Variants in LRP2 observed in about 807,000 individuals in gnomAD.
LRP2 encodes low-density lipoprotein receptor-related protein 2.
LRP2 carries 172 observed loss-of-function variants against 531.0 expected under a neutral mutation model. That is an observed-to-expected ratio of 0.32 (90% CI 0.29 to 0.37). The LOEUF is 0.37. Among genes scored for constraint, LRP2 ranks in the 10% least tolerant of loss-of-function variants. The probability of loss-of-function intolerance (pLI) is 1.00; values close to 1 mark genes in which losing one functional copy is unlikely to be tolerated. For missense variants in LRP2, 5,167 were observed against 5,868.3 expected, an observed-to-expected ratio of 0.88 and a Z score of 3.90; for synonymous variants, 1,992 against 2,027.6, an observed-to-expected ratio of 0.98 and a Z score of 0.47.
Position 169,275,130 on chromosome 2 carries a change from T to C in LRP2, c.1881A>G (p.Ala627=), listed in dbSNP as rs140487223. 30 of 1,613,672 alleles carry C rather than the reference T, an allele frequency of 1.9e-5. No homozygotes were observed. The highest frequency in any genetic ancestry group is 2.5e-5 in the Non-Finnish European group (29 of 1,179,856). The part of the protein sequence containing the change: ...TDWTKMAVLK[A]NKFTETNPQV... Reference sequence around the variant, plus strand: ...GTGGGTTGGTCTCTGTGAACTTGTTTGCCTTCAGCACGGCCATCTTTGTCC... The same window carrying C: ...GTGGGTTGGTCTCTGTGAACTTGTTCGCCTTCAGCACGGCCATCTTTGTCC... The change falls in exon 14 of 79, where the codon GCA becomes GCG. Residue 627 remains alanine (A), a synonymous_variant. Transcript: ENST00000649046.
Position 169,275,124 on chromosome 2 carries a change from C to G in LRP2, c.1887G>C (p.Lys629Asn). Reference protein sequence around the residue: ...WTKMAVLKANKFTETNPQVYY... With the variant: ...WTKMAVLKANNFTETNPQVYY... ...ACACTTGTGGGTTGGTCTCTGTGAA[C>G]TTGTTTGCCTTCAGCACGGCCATCT... Residue 629 changes from lysine to asparagine, a missense_variant, in exon 14 of 79, where the codon AAG (lysine) becomes AAC (asparagine). Transcript: ENST00000649046. The G allele has an allele frequency of 6.2e-7, 1 of 1,613,760 alleles. No homozygotes were observed. The highest frequency in any genetic ancestry group is 8.5e-7 in the Non-Finnish European group (1 of 1,179,850).
At chr2:169,199,368 C>T (rs903850474) in intron 44 of LRP2, among the ~76,000 whole-genome samples, 15 of 151,798 alleles carry the variant, frequency 9.9e-5, no homozygotes, top group African/African-American at 3.4e-4. Context: ...AGAAAAAGGA[C>T]GATATAAGTG....
intron 16 of LRP2, among the ~76,000 whole-genome samples, chr2:169,262,046 C>A (rs374475128): frequency 6.6e-6 from 1 of 151,912 alleles, no homozygotes; most frequent in Non-Finnish European, 1.5e-5. Context: ...AGTCAACAAC[C>A]CTTCATGCTA....
intron 54 of LRP2, among the ~76,000 whole-genome samples, chr2:169,176,031 T>C (rs1687179821): frequency 6.6e-6 from 1 of 152,174 alleles, no homozygotes; most frequent in Non-Finnish European, 1.5e-5. Flanking sequence ...TCCCCTAGCA[T>C]AGGCAGCTAA....
Position 169,213,827 on chromosome 2 carries a change from A to C in LRP2, c.5870T>G (p.Val1957Gly). 15 of 1,613,846 alleles carry C rather than the reference A, an allele frequency of 9.3e-6. No individual in the cohort carries two copies. Among genetic ancestry groups the C allele is most frequent in the Non-Finnish European group, 1.3e-5 (15 of 1,179,816 alleles). The change falls in exon 36 of 79, where the codon GTA (valine) becomes GGA (glycine). Residue 1957 changes from valine to glycine, a missense_variant. Val to Gly is a moderately radical substitution (Grantham distance 109, BLOSUM62 -3). Around this residue, in one of 6 missense-constraint regions of LRP2, gnomAD observed 2,811 missense variants for 3,058.0 expected, o/e 0.92. Transcript: ENST00000649046. ...TCCCCAGGGGTGGGAAAGCTGGTGT[A>C]CCAGGATCATTCGATCTGTTCCATC... Reference protein sequence around the residue: ...NVDGTDRMILVHQLSHPWGIA... With the variant: ...NVDGTDRMILGHQLSHPWGIA...
intron 1 of LRP2, among the ~76,000 whole-genome samples, chr2:169,345,688 T>C (rs373825378): frequency 1.6e-3 from 248 of 152,038 alleles, no homozygotes; most frequent in African/African-American, 5.1e-3. Context: ...CGATTCTCTT[T>C]TTTACAGATA....
chr2:169,231,898 A>G, intron 30 of LRP2, 56 bp from the exon 31 acceptor site: 3 of 1,600,006 alleles, frequency 1.9e-6, no homozygotes, highest in Non-Finnish European at 1.7e-6. Flanking sequence ...CATTAAAATC[A>G]AAACAGAGTC....
intron 22 of LRP2, 134 bp downstream of exon 22, chr2:169,244,559 T>C (rs909489817): frequency 8.6e-5 from 103 of 1,201,006 alleles, no homozygotes; most frequent in Non-Finnish European, 1.2e-4. Flanking sequence ...GACACAGAGA[T>C]TGACAAGTGG....
At chr2:169,274,964 C>T (rs1683513690) in intron 14 of LRP2, 72 bp downstream of exon 14, 4 of 1,468,866 alleles carry the variant, frequency 2.7e-6, no homozygotes, top group Admixed American at 1.7e-5. Context: ...TCATTATTAA[C>T]TTTCAAAGCT....
chr2:169,279,630 G>C (rs1344109811), intron 11 of LRP2, 35 bp from the exon 12 acceptor site: 1 of 1,313,956 alleles, frequency 7.6e-7, no homozygotes, highest in Non-Finnish European at 1.1e-6. Context: ...TATTTCTTCA[G>C]CATCACTAAC....
At chr2:169,144,442 T>C (rs1468149415) in intron 70 of LRP2, among the ~76,000 whole-genome samples, 1 of 5,688 alleles carries the variant, frequency 1.8e-4, no homozygotes, top group Non-Finnish European at 3.9e-4. Context: ...GAGCATCAGC[T>C]GCCGGAGGGA....
chr2:169,164,362 C>A (rs1213154586), intron 62 of LRP2, among the ~76,000 whole-genome samples: 1 of 152,216 alleles, frequency 6.6e-6, no homozygotes, highest in Non-Finnish European at 1.5e-5. Context: ...GGACTATGAG[C>A]TATGTCCCTT....
At position 169,231,937 on chromosome 2, in the gene LRP2, A is replaced by G. The variant is rs780053475; in HGVS notation, c.5099-95T>C. On this transcript the variant is annotated intron_variant, in intron 30 of 78. Transcript: ENST00000649046. ...CTCTTAGTGTCCTTCCAGAGGCCCC[A>G]GTACAGGGGGGCTTAAGTACGTTGT... The G allele has an allele frequency of 2.7e-4, 396 of 1,460,648 alleles. 1 individual carries two copies. The highest frequency in any genetic ancestry group is 1.3e-3 in the Admixed American group (67 of 52,644). The allele number at this position is 1,460,648 out of a possible 1,614,324, so 90.5% of individuals were successfully genotyped here. A position where few individuals can be genotyped will look rare whatever the true frequency, so the allele number is the denominator to read the frequency against.
Position 169,145,777 on chromosome 2 carries a change from T to C in LRP2, c.12958A>G (p.Ile4320Val), listed in dbSNP as rs141452561. Reference sequence around the variant, plus strand: ...TTATTGTATCTGAGTTGATGAAAGATTCGAACTTGAGTGAGCCAAGGGTTC... The same window carrying C: ...TTATTGTATCTGAGTTGATGAAAGACTCGAACTTGAGTGAGCCAAGGGTTC... ...VVNPWLTQVR[I>V]FHQLRYNKSV... is the part of the protein sequence containing the mutation. The change falls in exon 70 of 79, where the codon ATC becomes GTC. Residue 4320 changes from isoleucine (I) to valine (V), a missense_variant. Around this residue, in one of 6 missense-constraint regions of LRP2, gnomAD observed 564 missense variants for 747.7 expected, o/e 0.75. Coordinates refer to ENST00000649046, the MANE Select transcript of LRP2 (RefSeq NM_004525.3). 43 of 1,614,188 alleles carry C rather than the reference T, an allele frequency of 2.7e-5. 1 individual carries two copies. The African/African-American group carries it at 5.6e-4, about 21-fold the overall frequency.
chr2:169,361,350 G>GTCTCTCTCTGTCTCTCTC (rs1559092778), intron 1 of LRP2, among the ~76,000 whole-genome samples: 15 of 21,954 alleles, frequency 6.8e-4, no homozygotes, highest in Non-Finnish European at 1.1e-3. Context: ...GTCTCTCTCT[G>GTCTCTCTCTGTCTCTCTC]TCTCTCTCTC....
intron 16 of LRP2, among the ~76,000 whole-genome samples, chr2:169,261,917 C>T (rs554820388): frequency 1.3e-5 from 2 of 151,402 alleles, no homozygotes; most frequent in East Asian, 2.0e-4. Context: ...GGCTTCATCC[C>T]TGGGATGCAA....
intron 62 of LRP2, among the ~76,000 whole-genome samples, chr2:169,164,492 G>C (rs1686710486): frequency 6.6e-6 from 1 of 152,206 alleles, no homozygotes; most frequent in Non-Finnish European, 1.5e-5. Flanking sequence ...CTTACAGTTA[G>C]AGCAGGGCCA....
chr2:169,173,066 C>T (rs1280239346), intron 57 of LRP2, 30 bp downstream of exon 57: 4 of 1,613,726 alleles, frequency 2.5e-6, no homozygotes, highest in Non-Finnish European at 3.4e-6. Context: ...TTTCTTGTCC[C>T]TCCCTCCACT....
intron 16 of LRP2, among the ~76,000 whole-genome samples, chr2:169,270,494 A>G (rs1380624564): frequency 6.6e-6 from 1 of 151,878 alleles, no homozygotes; most frequent in East Asian, 1.9e-4. Context: ...TTCTCAGCAA[A>G]CTATTGCAAG....
Sources: allele counts gnomAD v4.1 joint callset (sites outside exome capture counted in the v4.1 genomes callset), GRCh38; gene constraint gnomAD v4.1.1; regional missense constraint gnomAD v4.1.1; transcripts MANE v1.5; gene names NCBI Gene and HGNC (gene_info 2026-07-23, HGNC 2026-07-21).